MYOF: variants seen among roughly 807,000 people sequenced by gnomAD.
MYOF encodes the protein fer-1-like 3, myoferlin.
A neutral mutation model predicts 284.2 loss-of-function variants in MYOF; 244 were observed. That is an observed-to-expected ratio of 0.86 (90% CI 0.77 to 0.95). MYOF has a LOEUF of 0.95. Ranked by LOEUF, MYOF falls within the 40% of genes least tolerant of loss-of-function variation. MYOF has a pLI of 0.00. For synonymous variants in MYOF, 904 were observed against 919.7 expected (o/e 0.98, Z 0.31); for missense variants, 2,496 against 2,560.6 (o/e 0.97, Z 0.54).
At chr10:93,406,011 G>A (rs141151871) in intron 7 of MYOF, among the ~76,000 whole-genome samples, 2,617 of 151,460 alleles carry the variant, frequency 0.017, 74 homozygotes, top group African/African-American at 0.059. Flanking sequence ...AGGCTGGAGT[G>A]CAGTGGCCCA....
At chr10:93,418,453 G>A (rs1848223397) in intron 5 of MYOF, among the ~76,000 whole-genome samples, 1 of 152,114 alleles carries the variant, frequency 6.6e-6, no homozygotes, top group South Asian at 2.1e-4. Context: ...CAATAAATGT[G>A]CCCTAAGAAT....
At chr10:93,320,836 G>A (rs1417697418) in intron 48 of MYOF, among the ~76,000 whole-genome samples, 2 of 152,086 alleles carry the variant, frequency 1.3e-5, no homozygotes, top group Admixed American at 6.5e-5. Context: ...CATTAGAATC[G>A]ACTGGGGACG....
intron 1 of MYOF, among the ~76,000 whole-genome samples, chr10:93,467,886 A>G (rs1205356706): frequency 6.6e-6 from 1 of 152,240 alleles, no homozygotes; most frequent in African/African-American, 2.4e-5. Context: ...CTGCCACTGC[A>G]GGCAGAGGGT....
At chr10:93,381,946 A>G (rs1208050540) in intron 19 of MYOF, among the ~76,000 whole-genome samples, 1 of 152,166 alleles carries the variant, frequency 6.6e-6, no homozygotes, top group Non-Finnish European at 1.5e-5. Context: ...CTGAGGCACG[A>G]GAATCTCTTG....
intron 35 of MYOF, among the ~76,000 whole-genome samples, chr10:93,350,971 A>C (rs1844478355): frequency 6.6e-6 from 1 of 152,190 alleles, no homozygotes; most frequent in Non-Finnish European, 1.5e-5. Context: ...GCTGGCTCCC[A>C]GTAAATGAGG....
At chr10:93,324,918 T>C (rs112458177) in intron 46 of MYOF, among the ~76,000 whole-genome samples, 6,569 of 152,104 alleles carry the variant, frequency 0.043, 494 homozygotes, top group African/African-American at 0.15. Flanking sequence ...TAGCTGGGGT[T>C]ACAGGCACCC....
intron 19 of MYOF, among the ~76,000 whole-genome samples, chr10:93,383,896 C>G (rs980411998): frequency 6.6e-6 from 1 of 152,194 alleles, no homozygotes; most frequent in Non-Finnish European, 1.5e-5. Flanking sequence ...TGGGCCGGCT[C>G]TACCCCGTAG....
At chr10:93,378,713 A>ATATATG (rs1338159505) in intron 21 of MYOF, among the ~76,000 whole-genome samples, 42 of 124,884 alleles carry the variant, frequency 3.4e-4, no homozygotes, top group Middle Eastern at 4.0e-3. Context: ...ATATATATAT[A>ATATATG]TATGTATATA....
At chr10:93,452,178 A>G in intron 2 of MYOF, 37 bp from the exon 3 acceptor site, 1 of 1,455,004 alleles carries the variant, frequency 6.9e-7, no homozygotes, top group Non-Finnish European at 9.5e-7. Flanking sequence ...GAGAAAAAAA[A>G]AGGCTGTTAG....
Position 93,356,680 on chromosome 10 carries a change from C to G in MYOF, c.3289G>C (p.Ala1097Pro). ...TCTGGCAACCTAGTACTTACAAGGG[C>G]ACCTTCAAGTTTAAAGATGGCAGCT... ...GAAAIFKLEG[A>P]LGADTTEDGD... Residue 1097 changes from alanine to proline, a missense_variant, in exon 30 of 54, where the codon GCC becomes CCC. Ala to Pro is a conservative substitution (Grantham distance 27, BLOSUM62 -1). Around this residue, in one of 3 missense-constraint regions of MYOF, gnomAD observed 2,436 missense variants for 2,480.7 expected, o/e 0.98. Coordinates refer to ENST00000359263, the MANE Select transcript of MYOF (RefSeq NM_013451.4). 1 of 1,612,308 alleles carries G rather than the reference C, an allele frequency of 6.2e-7. No individual in the cohort carries two copies. Among genetic ancestry groups the G allele is most frequent in the Non-Finnish European group, 8.5e-7 (1 of 1,179,376 alleles).
intron 45 of MYOF, among the ~76,000 whole-genome samples, chr10:93,328,258 GT>G: frequency 6.6e-6 from 1 of 152,250 alleles, no homozygotes; most frequent in East Asian, 1.9e-4. Context: ...TGCAGTCTTT[GT>G]CATAGTGTAG....
At position 93,415,795 on chromosome 10, in the gene MYOF, C is replaced by T. The variant is rs576096676; in HGVS notation, c.434-6056G>A. ...TGCCTCTTTATACGTTCATCGGTTT[C>T]CCCCTTTCTACTGGATCATTCCCAT... On this transcript the variant is annotated intron_variant, in intron 5 of 53. Transcript: ENST00000359263. 3.9e-5 allele frequency among the ~76,000 whole-genome samples: 6 copies of T among 152,226 alleles called. No individual in the cohort carries two copies. The East Asian group carries it at 7.7e-4, about 20-fold the overall frequency.
At chr10:93,355,605 ATC>A in intron 31 of MYOF, 21 bp downstream of exon 31, 2 of 1,559,000 alleles carry the variant, frequency 1.3e-6, no homozygotes, top group South Asian at 1.1e-5. Flanking sequence ...AATAAAATAA[ATC>A]AAAAATAAAA....
At chr10:93,342,075 G>C in intron 38 of MYOF, 1 of 693,298 alleles carries the variant, frequency 1.4e-6, no homozygotes, top group South Asian at 1.6e-5. Context: ...CTTTTCTTGT[G>C]ATAGTGCTCA....
intron 5 of MYOF, among the ~76,000 whole-genome samples, chr10:93,425,141 A>G (rs1848526025): frequency 6.6e-6 from 1 of 151,758 alleles, no homozygotes; most frequent in African/African-American, 2.4e-5. Flanking sequence ...AGGTTTCACC[A>G]TGTTGGCCAG....
chr10:93,422,354 C>T (rs558535769), intron 5 of MYOF, among the ~76,000 whole-genome samples: 9 of 152,282 alleles, frequency 5.9e-5, no homozygotes, highest in Non-Finnish European at 8.8e-5. Context: ...GTGCTGAGCC[C>T]GCTGTGAGCC....
At chr10:93,327,165 C>T (rs1166105850) in intron 45 of MYOF, among the ~76,000 whole-genome samples, 1 of 152,060 alleles carries the variant, frequency 6.6e-6, no homozygotes, top group African/African-American at 2.4e-5. Flanking sequence ...GGTCTGCAGT[C>T]TCCCCTGCTG....
chr10:93,354,829 G>T (rs1844723020), intron 31 of MYOF, among the ~76,000 whole-genome samples: 2 of 152,062 alleles, frequency 1.3e-5, no homozygotes, highest in African/African-American at 4.8e-5. Flanking sequence ...CCTGTACCTT[G>T]GTTCCTTCTT....
intron 13 of MYOF, among the ~76,000 whole-genome samples, chr10:93,398,401 T>A (rs1847123521): frequency 6.6e-6 from 1 of 152,216 alleles, no homozygotes; most frequent in Non-Finnish European, 1.5e-5. Context: ...GGGCACCATT[T>A]AAAATTATTC....
Sources: gnomAD v4.1 joint callset for allele counts (sites outside exome capture counted in the v4.1 genomes callset) on GRCh38, gnomAD v4.1.1 for gene constraint, gnomAD v4.1.1 regional missense constraint, MANE v1.5 for transcripts, NCBI Gene and HGNC (gene_info 2026-07-23, HGNC 2026-07-21) for gene names.